Variants in CPNE4 observed in about 807,000 individuals in gnomAD.
The protein encoded by CPNE4 is copine 4.
A neutral mutation model predicts 67.9 loss-of-function variants in CPNE4; 25 were observed. The ratio of observed to expected loss-of-function variants is 0.37; its 90% CI spans 0.27 to 0.51. CPNE4 has a LOEUF of 0.51. Among genes scored for constraint, CPNE4 ranks in the 20% least tolerant of loss-of-function variants. The pLI is 0.93. For synonymous variants in CPNE4, 242 were observed against 244.9 expected (o/e 0.99, Z 0.11); for missense variants, 464 against 690.8 (o/e 0.67, Z 3.68).
At chr3:131,777,366 T>C (rs1324796152) in intron 2 of CPNE4, among the ~76,000 whole-genome samples, 3 of 144,358 alleles carry the variant, frequency 2.1e-5, no homozygotes, top group Non-Finnish European at 4.6e-5. Flanking sequence ...TCAGAGAAAA[T>C]AGCATTTCAA....
intron 1 of CPNE4, among the ~76,000 whole-genome samples, chr3:132,032,310 T>C (rs550178329): frequency 6.6e-6 from 1 of 152,318 alleles, no homozygotes; most frequent in African/African-American, 2.4e-5. Context: ...AAAATAAGGT[T>C]GACCACTCAC....
At chr3:131,617,812 G>C (rs1345381078) in intron 7 of CPNE4, among the ~76,000 whole-genome samples, 5 of 152,144 alleles carry the variant, frequency 3.3e-5, no homozygotes. Flanking sequence ...TTTCTCCATG[G>C]AGTGAAAGAC....
At chr3:131,944,616 C>A (rs17363431) in intron 1 of CPNE4, among the ~76,000 whole-genome samples, 9,832 of 151,516 alleles carry the variant, frequency 0.065, 420 homozygotes, top group East Asian at 0.13. Context: ...CTACAGATGA[C>A]TGCAAAAAGA....
chr3:132,038,386 G>A (rs1447431235), upstream of CPNE4, among the ~76,000 whole-genome samples: 1 of 129,972 alleles, frequency 7.7e-6, no homozygotes, highest in Non-Finnish European at 1.7e-5. Flanking sequence ...CTAACATTGG[G>A]TAACAACCTG....
intron 2 of CPNE4, among the ~76,000 whole-genome samples, chr3:131,737,025 C>T (rs1361657209): frequency 6.6e-6 from 1 of 151,562 alleles, no homozygotes; most frequent in Admixed American, 6.6e-5. Context: ...GCTAAAAATC[C>T]TTCTCTTCCT....
At chr3:131,565,573 A>G (rs1483175195) in intron 10 of CPNE4, among the ~76,000 whole-genome samples, 1 of 152,022 alleles carries the variant, frequency 6.6e-6, no homozygotes, top group African/African-American at 2.4e-5. Context: ...CTGATATTGT[A>G]CCCTGCAATC....
At chr3:131,723,738 C>G in intron 2 of CPNE4, 113 bp from the exon 3 acceptor site, 1 of 946,772 alleles carries the variant, frequency 1.1e-6, no homozygotes, top group Non-Finnish European at 1.6e-6. Flanking sequence ...TGCTCCCCAG[C>G]AAGTCATTGG....
intron 6 of CPNE4, among the ~76,000 whole-genome samples, chr3:131,680,038 C>T (rs576901440): frequency 8.5e-5 from 13 of 152,048 alleles, no homozygotes; most frequent in Non-Finnish European, 1.9e-4. Context: ...TAAAGTCTCC[C>T]ACTATTATTG....
chr3:131,790,489 TCTAA>T (rs958298053), intron 2 of CPNE4, among the ~76,000 whole-genome samples: 2 of 151,982 alleles, frequency 1.3e-5, no homozygotes, highest in African/African-American at 4.8e-5. Context: ...TTCTTAGGAG[TCTAA>T]CTGAGAAATT....
intron 7 of CPNE4, among the ~76,000 whole-genome samples, chr3:131,644,602 C>T (rs2079618560): frequency 6.6e-6 from 1 of 152,152 alleles, no homozygotes; most frequent in South Asian, 2.1e-4. Flanking sequence ...CACATTTATT[C>T]TTATACAAGA....
chr3:131,951,516 C>A (rs992588776), intron 1 of CPNE4, among the ~76,000 whole-genome samples: 1 of 152,072 alleles, frequency 6.6e-6, no homozygotes, highest in African/African-American at 2.4e-5. Context: ...TTCTTCAGCC[C>A]TCTCCCTCTC....
chr3:131,777,304 C>T (rs954807781), intron 2 of CPNE4, among the ~76,000 whole-genome samples: 1 of 150,978 alleles, frequency 6.6e-6, no homozygotes, highest in Non-Finnish European at 1.5e-5. Flanking sequence ...TAAATGCAGA[C>T]AGAAAGGGAT....
intron 1 of CPNE4, among the ~76,000 whole-genome samples, chr3:131,926,340 T>C (rs745830437): frequency 1.8e-4 from 28 of 152,252 alleles, no homozygotes; most frequent in Non-Finnish European, 3.7e-4. Context: ...CAATAAACAT[T>C]TGTTGATCGA....
rs150169667 is a variant in CPNE4, at chr3:131,713,989, G to A, written c.360+9457C>T. On this transcript the variant is annotated intron_variant, in intron 3 of 15. Coordinates refer to ENST00000429747, the MANE Select transcript of CPNE4 (RefSeq NM_130808.3). ...ACTTATGACATCATTCATCACTCAC[G>A]TGGCTTCTGCTTGCAGTAATTCTGC... Among the ~76,000 whole-genome samples the A allele has an allele frequency of 1.8e-3, 274 of 152,190 alleles. 2 individuals carry two copies. Among genetic ancestry groups the A allele is most frequent in the African/African-American group, 6.3e-3 (262 of 41,526 alleles).
Position 131,988,242 on chromosome 3 carries a change from G to C in CPNE4, c.-2+46325C>G, listed in dbSNP as rs535653979. Among the ~76,000 whole-genome samples the C allele has an allele frequency of 7.0e-4, 106 of 152,208 alleles. 7 individuals carry two copies. Among genetic ancestry groups the C allele is most frequent in the Non-Finnish European group, 1.9e-4 (13 of 68,044 alleles). On this transcript the variant is annotated intron_variant, in intron 1 of 15. Coordinates refer to ENST00000429747, the MANE Select transcript of CPNE4 (RefSeq NM_130808.3). ...GGTCAATATGGTTGGAAAGTGAGAA[G>C]TGACAGTTAGCAGTAAACAATGAGG...
chr3:131,868,521 G>GA (rs1001055460), intron 2 of CPNE4, among the ~76,000 whole-genome samples: 1 of 151,978 alleles, frequency 6.6e-6, no homozygotes, highest in Non-Finnish European at 1.5e-5. Flanking sequence ...TTTAATATGT[G>GA]AAAAAAATAA....
rs1184798956 is a variant in CPNE4, at chr3:131,757,674, G to T, written c.181-34049C>A. Among the ~76,000 whole-genome samples the T allele has an allele frequency of 2.0e-5, 3 of 152,308 alleles. No homozygotes were observed. The East Asian group carries it at 5.8e-4, about 29-fold the overall frequency. ...ACCTAATGTTAATCCCCAACACCCT[G>T]GGGAAAATGTCTCCAGGCCATGTTA... On this transcript the variant is annotated intron_variant, in intron 2 of 15. Transcript: ENST00000429747.
chr3:131,693,688 G>T (rs952688795), intron 5 of CPNE4, among the ~76,000 whole-genome samples: 1 of 152,048 alleles, frequency 6.6e-6, no homozygotes, highest in Non-Finnish European at 1.5e-5. Flanking sequence ...CCCTGCAAAG[G>T]TATTGGGACC....
chr3:131,581,086 T>A (rs528084589), intron 9 of CPNE4, among the ~76,000 whole-genome samples: 1 of 152,214 alleles, frequency 6.6e-6, no homozygotes, highest in African/African-American at 2.4e-5. Context: ...GGCAGAAGAA[T>A]CACTTGAACC....
Sources: allele counts gnomAD v4.1 joint callset (sites outside exome capture counted in the v4.1 genomes callset), GRCh38; gene constraint gnomAD v4.1.1; transcripts MANE v1.5; gene names NCBI Gene and HGNC (gene_info 2026-07-23, HGNC 2026-07-21).